PRDM11: variants seen among roughly 807,000 people sequenced by gnomAD.
The protein encoded by PRDM11 is PR/SET domain 11.
A neutral mutation model predicts 97.8 loss-of-function variants in PRDM11; 20 were observed. The observed-to-expected ratio is 0.20, with a 90% CI of 0.14 to 0.30. The LOEUF is 0.30. PRDM11 is among the 10% of genes least tolerant of loss of function. The probability of loss-of-function intolerance (pLI) is 1.00; values close to 1 mark genes in which losing one functional copy is unlikely to be tolerated. For missense variants in PRDM11, 1,139 were observed against 1,555.2 expected (o/e 0.73, Z 4.50); for synonymous variants, 599 against 637.7 (o/e 0.94, Z 0.91).
At chr11:45,123,810 A>G (rs1852499965) in intron 1 of PRDM11, among the ~76,000 whole-genome samples, 1 of 151,948 alleles carries the variant, frequency 6.6e-6, no homozygotes, top group South Asian at 2.1e-4. Flanking sequence ...TTGGCTTAGG[A>G]TTGACTTGGC....
intron 5 of PRDM11, among the ~76,000 whole-genome samples, chr11:45,209,878 A>C (rs1484863409): frequency 6.6e-6 from 1 of 152,230 alleles, no homozygotes; most frequent in African/African-American, 2.4e-5. Flanking sequence ...GGGCTCCCTG[A>C]AGAAGTCCAG....
chr11:45,180,956 G>A (rs903805438), intron 1 of PRDM11, among the ~76,000 whole-genome samples: 2 of 152,142 alleles, frequency 1.3e-5, no homozygotes, highest in African/African-American at 2.4e-5. Context: ...GCCCCGGTGG[G>A]GAGCAGGGGG....
At chr11:45,109,234 G>A (rs111957074) in intron 1 of PRDM11, among the ~76,000 whole-genome samples, 7 of 152,270 alleles carry the variant, frequency 4.6e-5, no homozygotes, top group East Asian at 1.9e-4. Flanking sequence ...GAGGAGTGGC[G>A]GTCTCTTGCT....
chr11:45,171,808 T>A lies in PRDM11; in HGVS notation c.-6-9953T>A, dbSNP rs554376642. ...AGGTAGCGTGGATTTCAGGACCTGT[T>A]GGTTCAGCACCTCAACCGTGTCAGT... is the stretch of plus-strand genomic sequence containing the variant. On this transcript the variant is annotated intron_variant, in intron 1 of 7. Coordinates refer to ENST00000683152, the MANE Select transcript of PRDM11 (RefSeq NM_001384648.1). Among the ~76,000 whole-genome samples the A allele has an allele frequency of 2.0e-5, 3 of 152,358 alleles. No homozygotes were observed. The East Asian group carries it at 5.8e-4, about 29-fold the overall frequency.
At chr11:45,212,822 A>G (rs905183836) in intron 5 of PRDM11, 7 of 453,242 alleles carry the variant, frequency 1.5e-5, no homozygotes, top group Non-Finnish European at 3.1e-5. Context: ...CGGCCAGGCC[A>G]TGGCCGAGCT....
chr11:45,182,007 G>T (rs548158490), intron 2 of PRDM11, 122 bp downstream of exon 2: 3 of 931,874 alleles, frequency 3.2e-6, no homozygotes, highest in Non-Finnish European at 3.2e-6. Context: ...CCCTGCTCCC[G>T]GCAGCTCCTG....
intron 4 of PRDM11, among the ~76,000 whole-genome samples, chr11:45,199,293 A>G (rs1853241640): frequency 6.6e-6 from 1 of 152,120 alleles, no homozygotes; most frequent in African/African-American, 2.4e-5. Flanking sequence ...GAACACTCCC[A>G]TTAACAGGAA....
chr11:45,103,227 C>T (rs1290587542), intron 1 of PRDM11, among the ~76,000 whole-genome samples: 2 of 152,184 alleles, frequency 1.3e-5, no homozygotes, highest in African/African-American at 4.8e-5. Context: ...GACCACCCCG[C>T]CGGGCCTGCC....
At position 45,228,207 on chromosome 11, in the gene PRDM11, C is replaced by T; in HGVS notation, c.*48C>T. On this transcript the variant is annotated 3_prime_UTR_variant, in exon 8 of 8. Coordinates refer to ENST00000683152, the MANE Select transcript of PRDM11 (RefSeq NM_001384648.1). ...CTAAGCTGTTGAATATTTTTTTAAT[C>T]TATACTCATAAGCTTTGATATATTA... 3 of 1,336,136 alleles carry T rather than the reference C, an allele frequency of 2.2e-6. No homozygotes were observed. Among genetic ancestry groups the T allele is most frequent in the Non-Finnish European group, 1.9e-6 (2 of 1,033,812 alleles). 82.8% of individuals were successfully genotyped at this position (1,336,136 alleles called of 1,614,324 possible). A position where few individuals can be genotyped will look rare whatever the true frequency, so the allele number is the denominator to read the frequency against.
intron 4 of PRDM11, among the ~76,000 whole-genome samples, chr11:45,198,347 C>T (rs1853206295): frequency 6.6e-6 from 1 of 152,212 alleles, no homozygotes; most frequent in South Asian, 2.1e-4. Flanking sequence ...CTTCAGTTGG[C>T]TGGGCTGGGG....
intron 1 of PRDM11, among the ~76,000 whole-genome samples, chr11:45,140,715 C>T (rs1348235005): frequency 6.6e-6 from 1 of 151,986 alleles, no homozygotes; most frequent in Non-Finnish European, 1.5e-5. Context: ...ATGAAGGTCT[C>T]TCAGGTTTAG....
At chr11:45,094,326 T>C (rs1851854748), upstream of PRDM11, among the ~76,000 whole-genome samples, 1 of 151,046 alleles carries the variant, frequency 6.6e-6, no homozygotes, top group African/African-American at 2.4e-5. Flanking sequence ...AGGAGGCTTC[T>C]GGGAAGGGCC....
At chr11:45,104,475 A>C (rs960317232) in intron 1 of PRDM11, among the ~76,000 whole-genome samples, 1 of 152,092 alleles carries the variant, frequency 6.6e-6, no homozygotes, top group Non-Finnish European at 1.5e-5. Context: ...GTGATAGCTG[A>C]GTGAGACCAT....
Position 45,229,880 on chromosome 11 carries a change from T to G in PRDM11, c.*1721T>G, listed in dbSNP as rs1854366255. 1 of 152,176 alleles carries G rather than the reference T, an allele frequency of 6.6e-6. No individual in the cohort carries two copies. Among genetic ancestry groups the G allele is most frequent in the South Asian group, 2.1e-4 (1 of 4,826 alleles). 9.4% of individuals were successfully genotyped at this position (152,176 alleles called of 1,614,324 possible). On this transcript the variant is annotated 3_prime_UTR_variant, in exon 8 of 8. Transcript: ENST00000683152. ...AAGGCCCCAATGTCTTCAGCCTGCTTGGTTCAGACATTATAAAACTGTGGT... is the reference window on the plus strand; with the variant it reads ...AAGGCCCCAATGTCTTCAGCCTGCTGGGTTCAGACATTATAAAACTGTGGT...
intron 1 of PRDM11, among the ~76,000 whole-genome samples, chr11:45,120,946 G>C (rs1244536767): frequency 6.6e-6 from 1 of 152,132 alleles, no homozygotes; most frequent in East Asian, 1.9e-4. Flanking sequence ...TTCTTGCATT[G>C]TTCAAGAAGA....
intron 5 of PRDM11, chr11:45,212,543 G>T: frequency 2.2e-6 from 1 of 455,868 alleles, no homozygotes; most frequent in South Asian, 1.6e-5. Flanking sequence ...TCCGGAGGAA[G>T]AGGCCCACCT....
intron 4 of PRDM11, among the ~76,000 whole-genome samples, chr11:45,199,333 T>C (rs1441175929): frequency 1.3e-5 from 2 of 152,196 alleles, no homozygotes; most frequent in African/African-American, 4.8e-5. Context: ...TCTTGTCCTA[T>C]CTTAGGACTC....
chr11:45,171,608 A>G (rs1316552861), intron 1 of PRDM11, among the ~76,000 whole-genome samples: 1 of 152,178 alleles, frequency 6.6e-6, no homozygotes. Context: ...ATCAAGGCAG[A>G]TGCTTTACAG....
At position 45,221,550 on chromosome 11, in the gene PRDM11, C is replaced by T. The variant is rs147891562; in HGVS notation, c.742+1793C>T. On this transcript the variant is annotated intron_variant, in intron 6 of 7. Coordinates refer to ENST00000683152, the MANE Select transcript of PRDM11 (RefSeq NM_001384648.1). The stretch of plus-strand genomic sequence containing the variant: ...ATTTGTGATGTCCTTTTCTTCCCCT[C>T]AGTGGTCTTCTCCAGAGCACCTGAA... 5.4e-3 allele frequency among the ~76,000 whole-genome samples: 826 copies of T among 152,276 alleles called. 2 individuals are homozygous for T. Among genetic ancestry groups the T allele is most frequent in the Middle Eastern group, 0.017 (5 of 294 alleles).
Sources: gnomAD v4.1 joint callset for allele counts (sites outside exome capture counted in the v4.1 genomes callset) on GRCh38, gnomAD v4.1.1 for gene constraint, MANE v1.5 for transcripts, NCBI Gene and HGNC (gene_info 2026-07-23, HGNC 2026-07-21) for gene names.